GRAMD1C: variants seen among roughly 807,000 people sequenced by gnomAD.
GRAMD1C encodes the protein GRAM domain containing 1C.
A neutral mutation model predicts 97.8 loss-of-function variants in GRAMD1C; 89 were observed. The ratio of observed to expected loss-of-function variants is 0.91; its 90% CI spans 0.77 to 1.09. The LOEUF (loss-of-function observed/expected upper bound fraction) is 1.09, where lower values mean the gene tolerates loss of function less well. Ranked by LOEUF, GRAMD1C falls within the 50% of genes least tolerant of loss-of-function variation. GRAMD1C has a pLI of 0.00. For missense variants in GRAMD1C, 740 were observed against 766.4 expected, an observed-to-expected ratio of 0.97 and a Z score of 0.41; for synonymous variants, 256 against 267.0, an observed-to-expected ratio of 0.96 and a Z score of 0.40.
rs1936768795 is a variant in GRAMD1C, at chr3:113,915,303, G to C, written c.953-398G>C. Among the ~76,000 whole-genome samples, 3 of 152,194 alleles carry C rather than the reference G, an allele frequency of 2.0e-5. 1 individual carries two copies. Among genetic ancestry groups the C allele is most frequent in the Admixed American group, 2.0e-4 (3 of 15,278 alleles). Reference sequence around the variant, plus strand: ...TTAATATTTACTGAGTGAGCATTCAGAGGTAGAAGTTGCTAATTTCTATGT... The same window carrying C: ...TTAATATTTACTGAGTGAGCATTCACAGGTAGAAGTTGCTAATTTCTATGT... On this transcript the variant is annotated intron_variant, in intron 9 of 17. Coordinates refer to ENST00000358160, the MANE Select transcript of GRAMD1C (RefSeq NM_017577.5).
intron 1 of GRAMD1C, among the ~76,000 whole-genome samples, chr3:113,842,866 G>A (rs1305810927): frequency 6.6e-6 from 1 of 151,812 alleles, no homozygotes; most frequent in African/African-American, 2.4e-5. Context: ...GGGAGACTGA[G>A]GCAGGAAAAT....
chr3:113,852,591 C>T (rs1040694917), intron 2 of GRAMD1C, among the ~76,000 whole-genome samples: 5 of 150,956 alleles, frequency 3.3e-5, no homozygotes, highest in Admixed American at 6.6e-5. Flanking sequence ...CACAAAACAG[C>T]GAGGGAAATA....
intron 9 of GRAMD1C, among the ~76,000 whole-genome samples, chr3:113,915,488 A>G (rs1936776661): frequency 6.6e-6 from 1 of 152,162 alleles, no homozygotes; most frequent in Non-Finnish European, 1.5e-5. Flanking sequence ...TTAACTATAT[A>G]TTGTTATGCA....
At chr3:113,901,186 AT>A (rs1936157739) in intron 7 of GRAMD1C, 40 bp downstream of exon 7, 2 of 1,006,600 alleles carry the variant, frequency 2.0e-6, no homozygotes, top group African/African-American at 3.2e-5. Context: ...TTTATCAATT[AT>A]TAATCAAAGC....
chr3:113,850,748 T>C (rs1441986541), intron 2 of GRAMD1C: 11 of 1,378,766 alleles, frequency 8.0e-6, no homozygotes, highest in Non-Finnish European at 1.1e-5. Context: ...TGCTGTAGGG[T>C]CCGGGGCTGA....
chr3:113,931,597 T>A (rs1452406171), intron 11 of GRAMD1C, among the ~76,000 whole-genome samples: 1 of 151,984 alleles, frequency 6.6e-6, no homozygotes, highest in Non-Finnish European at 1.5e-5. Context: ...GAACTCATGA[T>A]CCGCCTGCCT....
chr3:113,861,584 G>C (rs1371190792), intron 2 of GRAMD1C, among the ~76,000 whole-genome samples: 2 of 152,152 alleles, frequency 1.3e-5, no homozygotes, highest in African/African-American at 4.8e-5. Flanking sequence ...ATCACCCACA[G>C]AATGAGAAAA....
Position 113,936,272 on chromosome 3 carries a change from A to G in GRAMD1C, c.1463A>G (p.Asp488Gly). 1.3e-6 allele frequency: 2 copies of G among 1,550,816 alleles called. No individual in the cohort carries two copies. The highest frequency in any genetic ancestry group is 1.8e-6 in the Non-Finnish European group (2 of 1,137,618). Residue 488 changes from aspartate (D) to glycine (G), a missense_variant, in exon 14 of 18, where the codon GAT becomes GGT. Coordinates refer to ENST00000358160, the MANE Select transcript of GRAMD1C (RefSeq NM_017577.5). ...TTGTTTTTTTTTTTCTTAGAATCAG[A>G]TTTGTTAATTGAAGAATCTGTATTA... ...LEDYFKQLES[D>G]LLIEESVLNQ...
At chr3:113,864,271 G>A (rs1934502629) in intron 2 of GRAMD1C, among the ~76,000 whole-genome samples, 2 of 151,868 alleles carry the variant, frequency 1.3e-5, no homozygotes, top group South Asian at 4.2e-4. Flanking sequence ...GCACCACCAC[G>A]CTCGGCTAAT....
intron 1 of GRAMD1C, among the ~76,000 whole-genome samples, chr3:113,831,615 C>CT (rs962911138): frequency 2.2e-4 from 33 of 152,036 alleles, no homozygotes; most frequent in Admixed American, 9.8e-4. Context: ...TTTTTCTTCA[C>CT]TTTTTTTTCT....
intron 5 of GRAMD1C, among the ~76,000 whole-genome samples, chr3:113,879,430 C>T (rs867642877): frequency 1.3e-5 from 2 of 152,060 alleles, no homozygotes; most frequent in African/African-American, 4.8e-5. Context: ...ACTACGCCAC[C>T]CTCACCTGCT....
chr3:113,850,633 C>T (rs1933854302), intron 2 of GRAMD1C: 16 of 1,607,360 alleles, frequency 1.0e-5, no homozygotes, highest in South Asian at 6.6e-5. Context: ...TCTGCCAGCT[C>T]GGGTGCTTAG....
intron 2 of GRAMD1C, among the ~76,000 whole-genome samples, chr3:113,863,034 C>T (rs1348725558): frequency 6.6e-6 from 1 of 152,064 alleles, no homozygotes; most frequent in Non-Finnish European, 1.5e-5. Flanking sequence ...TTTGGCACTT[C>T]CTAAAAATTT....
chr3:113,915,097 G>A (rs1213737360), intron 9 of GRAMD1C, among the ~76,000 whole-genome samples: 3 of 152,048 alleles, frequency 2.0e-5, no homozygotes, highest in Non-Finnish European at 4.4e-5. Context: ...ATAATTCATT[G>A]GGCATTTGTT....
chr3:113,896,217 T>C (rs1357071724), intron 6 of GRAMD1C, among the ~76,000 whole-genome samples: 2 of 152,230 alleles, frequency 1.3e-5, no homozygotes, highest in African/African-American at 4.8e-5. Flanking sequence ...GTGCTCATCC[T>C]GTGCTCATCT....
intron 2 of GRAMD1C, among the ~76,000 whole-genome samples, chr3:113,861,576 C>T (rs1934375891): frequency 1.3e-5 from 2 of 152,112 alleles, no homozygotes; most frequent in South Asian, 2.1e-4. Context: ...ATGAAAAGAT[C>T]ACCCACAGAA....
At position 113,942,150 on chromosome 3, in the gene GRAMD1C, C is replaced by A. The variant is rs1157532508; in HGVS notation, c.1908+1805C>A. ...GCTGGTCTCAAACTCCTGGGCTCAG[C>A]AGATCTACCTGCCTTGGCCTCCCAA... On this transcript the variant is annotated intron_variant, in intron 17 of 17. Transcript: ENST00000358160. 2.0e-5 allele frequency among the ~76,000 whole-genome samples: 3 copies of A among 148,418 alleles called. No homozygotes were observed. In the East Asian group the frequency reaches 5.9e-4, roughly 29 times the overall value.
intron 5 of GRAMD1C, 54 bp from the exon 6 acceptor site, chr3:113,882,698 A>C: frequency 9.8e-7 from 1 of 1,022,966 alleles, no homozygotes. Flanking sequence ...CATGACAGAT[A>C]ATCTGCTTTT....
intron 3 of GRAMD1C, among the ~76,000 whole-genome samples, chr3:113,871,757 A>AC (rs796526437): frequency 5.2e-4 from 74 of 142,598 alleles, no homozygotes; most frequent in Admixed American, 8.7e-4. Flanking sequence ...AAAAAAAAAA[A>AC]AAAAAAAAAC....
Sources: gnomAD v4.1 joint callset for allele counts (sites outside exome capture counted in the v4.1 genomes callset) on GRCh38, gnomAD v4.1.1 for gene constraint, MANE v1.5 for transcripts, NCBI Gene and HGNC (gene_info 2026-07-23, HGNC 2026-07-21) for gene names.